PTPRN2: variants seen among roughly 807,000 people sequenced by gnomAD.
The protein encoded by PTPRN2 is receptor-type tyrosine-protein phosphatase N2.
In PTPRN2, 74 loss-of-function variants were observed where a neutral mutation model predicts 118.8. The ratio of observed to expected loss-of-function variants is 0.62; its 90% confidence interval spans 0.52 to 0.76. PTPRN2 has a LOEUF of 0.76. Ranked by LOEUF, PTPRN2 falls within the 30% of genes least tolerant of loss-of-function variation. The pLI is 0.00. For missense variants in PTPRN2, 1,481 were observed against 1,394.4 expected (o/e 1.06, Z -0.99); for synonymous variants, 641 against 608.0 (o/e 1.05, Z -0.80).
At chr7:158,350,703 G>A (rs919560954) in intron 2 of PTPRN2, among the ~76,000 whole-genome samples, 2 of 152,124 alleles carry the variant, frequency 1.3e-5, no homozygotes, top group African/African-American at 4.8e-5. Flanking sequence ...GCCGGCCACT[G>A]GATCCACGCC....
intron 2 of PTPRN2, among the ~76,000 whole-genome samples, chr7:158,476,395 A>C (rs1820265466): frequency 6.6e-6 from 1 of 152,264 alleles, no homozygotes; most frequent in African/African-American, 2.4e-5. Context: ...TTCAAATCAT[A>C]TCAATGACGC....
intron 13 of PTPRN2, among the ~76,000 whole-genome samples, chr7:157,662,751 C>G (rs10266807): frequency 0.37 from 56,839 of 152,094 alleles, 11,814 homozygotes; most frequent in Non-Finnish European, 0.49. Context: ...GCTGCGGGCA[C>G]AGCGCTCTGC....
At chr7:157,765,853 T>TTATC (rs1554439566) in intron 12 of PTPRN2, among the ~76,000 whole-genome samples, 1 of 128,984 alleles carries the variant, frequency 7.8e-6, no homozygotes, top group African/African-American at 3.0e-5. Flanking sequence ...ACTCATCCAC[T>TTATC]CATCCATCCA....
At chr7:158,581,184 A>C (rs1483554957) in intron 1 of PTPRN2, among the ~76,000 whole-genome samples, 1 of 152,192 alleles carries the variant, frequency 6.6e-6, no homozygotes, top group African/African-American at 2.4e-5. Flanking sequence ...CTGGGAGAGA[A>C]AGGAGGCTCC....
At chr7:158,475,674 C>T (rs1820203625) in intron 2 of PTPRN2, among the ~76,000 whole-genome samples, 1 of 152,168 alleles carries the variant, frequency 6.6e-6, no homozygotes, top group Admixed American at 6.5e-5. Flanking sequence ...AATCCTACCT[C>T]CCCTCTCAGG....
At chr7:158,262,038 C>T (rs11767434) in intron 3 of PTPRN2, among the ~76,000 whole-genome samples, 36,286 of 152,006 alleles carry the variant, frequency 0.24, 4,649 homozygotes, top group Middle Eastern at 0.32. Flanking sequence ...TCCCAGGTGC[C>T]AGTGGCTGCA....
At chr7:158,280,034 GGCCCCCACGCCCCACCGCT>G (rs1447479245) in intron 3 of PTPRN2, among the ~76,000 whole-genome samples, 1 of 150,568 alleles carries the variant, frequency 6.6e-6, no homozygotes, top group Non-Finnish European at 1.5e-5. Flanking sequence ...GCCCCGCGGC[GGCCCCCACGCCCCACCGCT>G]GCCCCCAAAC....
chr7:157,813,928 G>A lies in PTPRN2; in HGVS notation c.1788+84745C>T, dbSNP rs575006111. On this transcript the variant is annotated intron_variant, in intron 12 of 22. Transcript: ENST00000389418. The surrounding 1 kb of genome is among the most constrained non-coding windows in gnomAD (Gnocchi z 4.7). Reference sequence around the variant, plus strand: ...TGCTGCTGGTGACCCCGGGGACCCCGCCGTGAGAGCCCCGACACAAGTCGC... The same window carrying A: ...TGCTGCTGGTGACCCCGGGGACCCCACCGTGAGAGCCCCGACACAAGTCGC... Among the ~76,000 whole-genome samples, 32 of 152,370 alleles carry A rather than the reference G, an allele frequency of 2.1e-4. No homozygotes were observed. The highest frequency in any genetic ancestry group is 1.5e-3 in the Admixed American group (23 of 15,310).
intron 11 of PTPRN2, among the ~76,000 whole-genome samples, chr7:158,061,838 C>T (rs1230146223): frequency 1.3e-5 from 2 of 152,258 alleles, no homozygotes; most frequent in African/African-American, 4.8e-5. Context: ...TGACAGGGCC[C>T]TTCGATCCAT....
intron 6 of PTPRN2, among the ~76,000 whole-genome samples, chr7:158,152,738 A>G (rs1263002286): frequency 6.6e-6 from 1 of 152,224 alleles, no homozygotes; most frequent in Non-Finnish European, 1.5e-5. Flanking sequence ...AGGCACACAC[A>G]CAAGTGGCTG....
intron 14 of PTPRN2, among the ~76,000 whole-genome samples, chr7:157,643,177 C>T (rs891775572): frequency 6.6e-6 from 1 of 152,248 alleles, no homozygotes; most frequent in Admixed American, 6.5e-5. Flanking sequence ...TTCCTATAGA[C>T]TCAGCCACTT....
chr7:157,849,867 G>C (rs1041764830), intron 12 of PTPRN2, among the ~76,000 whole-genome samples: 5 of 152,150 alleles, frequency 3.3e-5, no homozygotes, highest in South Asian at 2.1e-4. Flanking sequence ...GATCACCATG[G>C]AGGAGGGGAA....
intron 11 of PTPRN2, among the ~76,000 whole-genome samples, chr7:158,011,728 T>C (rs1585198458): frequency 6.6e-6 from 1 of 152,170 alleles, no homozygotes; most frequent in African/African-American, 2.4e-5. Flanking sequence ...TTGAAAAAAC[T>C]GTCATCTAAT....
chr7:158,519,581 C>T (rs1823832553), intron 1 of PTPRN2, among the ~76,000 whole-genome samples: 2 of 152,028 alleles, frequency 1.3e-5, no homozygotes, highest in South Asian at 2.1e-4. Context: ...TTCTGACATT[C>T]TCCAGCACTC....
chr7:158,274,155 C>T (rs1468686134), intron 3 of PTPRN2, among the ~76,000 whole-genome samples: 1 of 107,164 alleles, frequency 9.3e-6, no homozygotes, highest in Non-Finnish European at 1.8e-5. Context: ...GCCGCAGACA[C>T]AGGGGGAGCC....
intron 2 of PTPRN2, among the ~76,000 whole-genome samples, chr7:158,407,389 C>G (rs372647678): frequency 0.015 from 107 of 7,128 alleles, 1 homozygote; most frequent in Admixed American, 0.028. Context: ...CTGGGTCCTG[C>G]GTCCTGGGTC....
At chr7:158,319,283 C>T (rs77720276) in intron 2 of PTPRN2, among the ~76,000 whole-genome samples, 2,504 of 133,770 alleles carry the variant, frequency 0.019, 77 homozygotes, top group African/African-American at 0.065. Context: ...GACACCATCC[C>T]CAGTGCATTG....
chr7:158,078,708 G>C (rs897770134), intron 11 of PTPRN2, among the ~76,000 whole-genome samples: 2 of 152,178 alleles, frequency 1.3e-5, no homozygotes, highest in African/African-American at 2.4e-5. Flanking sequence ...AAGGCCAATG[G>C]GCGAGTCACC....
intron 1 of PTPRN2, among the ~76,000 whole-genome samples, chr7:158,500,854 G>A (rs938927966): frequency 6.6e-6 from 1 of 152,250 alleles, no homozygotes; most frequent in African/African-American, 2.4e-5. Context: ...TAATGCGTCC[G>A]GAGCAGGCCA....
Sources: gnomAD v4.1 joint callset for allele counts (sites outside exome capture counted in the v4.1 genomes callset) on GRCh38, gnomAD v4.1.1 for gene constraint, Gnocchi (gnomAD v3.1) non-coding constraint, MANE v1.5 for transcripts, NCBI Gene and HGNC (gene_info 2026-07-23, HGNC 2026-07-21) for gene names.